The following GLMN variants were observed in gnomAD, a reference collection of about 807,000 sequenced individuals.
The protein encoded by GLMN is glomulin.
A neutral mutation model predicts 87.8 loss-of-function variants in GLMN; 75 were observed. The ratio of observed to expected loss-of-function variants is 0.85; its 90% CI spans 0.71 to 1.04. The LOEUF is 1.04. Ranked by LOEUF, GLMN falls within the 50% of genes least tolerant of loss-of-function variation. The pLI is 0.00. For synonymous variants in GLMN, 206 were observed against 221.6 expected, an observed-to-expected ratio of 0.93 and a Z score of 0.63; for missense variants, 588 against 658.8, an observed-to-expected ratio of 0.89 and a Z score of 1.18.
intron 16 of GLMN, among the ~76,000 whole-genome samples, chr1:92,258,111 A>G (rs1342313963): frequency 6.6e-6 from 1 of 152,216 alleles, no homozygotes; most frequent in African/African-American, 2.4e-5. Context: ...ATGAACAGAC[A>G]CTTCTCAAAA....
chr1:92,363,811 T>C, the GLMN span: 1 of 272,224 alleles, frequency 3.7e-6, no homozygotes, highest in Non-Finnish European at 7.3e-6. Context: ...CTTAACATTT[T>C]TTTTCCTCTA....
chr1:92,300,477 A>T (rs1459036497), upstream of GLMN, among the ~76,000 whole-genome samples: 1 of 152,182 alleles, frequency 6.6e-6, no homozygotes, highest in Non-Finnish European at 1.5e-5. Context: ...GTGTCTGTAG[A>T]AGGTGTTTGT....
At chr1:92,257,980 T>G (rs1253352188) in intron 16 of GLMN, among the ~76,000 whole-genome samples, 1 of 151,952 alleles carries the variant, frequency 6.6e-6, no homozygotes, top group African/African-American at 2.4e-5. Flanking sequence ...ACAGGCAACC[T>G]ACAGAATGGG....
the GLMN span, among the ~76,000 whole-genome samples, chr1:92,333,933 G>A: frequency 2.0e-5 from 3 of 152,156 alleles, no homozygotes; most frequent in Non-Finnish European, 2.9e-5. Context: ...TCAACTCAAC[G>A]TTGCACTTTA....
At chr1:92,302,356 A>G (rs1005073809), upstream of GLMN, among the ~76,000 whole-genome samples, 1 of 151,606 alleles carries the variant, frequency 6.6e-6, no homozygotes, top group Non-Finnish European at 1.5e-5. Flanking sequence ...AAAAGCAAAT[A>G]TATTTTACCC....
intron 7 of GLMN, among the ~76,000 whole-genome samples, chr1:92,282,875 A>G (rs1257681171): frequency 6.6e-6 from 1 of 152,250 alleles, no homozygotes; most frequent in African/African-American, 2.4e-5. Context: ...TAGAAAATCT[A>G]GAAGAAATGG....
At chr1:92,359,231 G>A in the GLMN span, among the ~76,000 whole-genome samples, 1 of 152,210 alleles carries the variant, frequency 6.6e-6, no homozygotes, top group Admixed American at 6.5e-5. Flanking sequence ...AAGATATTAA[G>A]ACAGGTGGCT....
the GLMN span, among the ~76,000 whole-genome samples, chr1:92,304,933 T>C: frequency 6.6e-6 from 1 of 150,612 alleles, no homozygotes; most frequent in Non-Finnish European, 1.5e-5. Flanking sequence ...CTCAAGGAGT[T>C]GGAGGCCAGC....
intron 8 of GLMN, 152 bp from the exon 9 acceptor site, chr1:92,269,928 G>A: frequency 1.6e-6 from 1 of 628,132 alleles, no homozygotes; most frequent in East Asian, 2.9e-5. Flanking sequence ...CTTATTTGGA[G>A]ATAGGGTTAT....
At chr1:92,355,402 A>T in the GLMN span, among the ~76,000 whole-genome samples, 1 of 152,198 alleles carries the variant, frequency 6.6e-6, no homozygotes, top group Non-Finnish European at 1.5e-5. Context: ...TATGAGGTGT[A>T]AAAAGTAAGA....
At chr1:92,329,176 G>C in the GLMN span, among the ~76,000 whole-genome samples, 1 of 152,208 alleles carries the variant, frequency 6.6e-6, no homozygotes, top group Non-Finnish European at 1.5e-5. Context: ...GAGGATACAA[G>C]CTTGCTCTGG....
chr1:92,247,127 C>A lies in GLMN; in HGVS notation c.1603G>T (p.Asp535Tyr). Residue 535 changes from aspartate (D) to tyrosine (Y), a missense_variant, in exon 18 of 19, where the codon GAT (aspartate) becomes TAT (tyrosine). Physicochemically the swap from Asp to Tyr is radical, Grantham distance 160 (BLOSUM62 -3). Transcript: ENST00000370360. Reference sequence around the variant, plus strand: ...CCACTTACAGTTATAGAACAAAGATCTTTAGATTTCTGGGCCTCTGTAAGA... The same window carrying A: ...CCACTTACAGTTATAGAACAAAGATATTTAGATTTCTGGGCCTCTGTAAGA... The part of the protein sequence containing the change: ...KNSQEAQKSK[D>Y]LCSITVSGEE... 6.4e-7 allele frequency: 1 copy of A among 1,550,940 alleles called. No homozygotes were observed. Among genetic ancestry groups the A allele is most frequent in the Non-Finnish European group, 8.9e-7 (1 of 1,123,754 alleles).
At chr1:92,292,897 G>A (rs941313972) in intron 3 of GLMN, among the ~76,000 whole-genome samples, 4 of 151,656 alleles carry the variant, frequency 2.6e-5, no homozygotes, top group Admixed American at 2.0e-4. Flanking sequence ...GGTGGCACAC[G>A]CTTGTAGCCC....
At chr1:92,273,805 C>T (rs947933796) in intron 7 of GLMN, among the ~76,000 whole-genome samples, 1 of 152,014 alleles carries the variant, frequency 6.6e-6, no homozygotes, top group Non-Finnish European at 1.5e-5. Context: ...TTCTACAGTG[C>T]TGCTCTGGAT....
chr1:92,317,406 G>T, the GLMN span, among the ~76,000 whole-genome samples: 1 of 152,060 alleles, frequency 6.6e-6, no homozygotes, highest in Admixed American at 6.5e-5. Context: ...TACTCAGGAG[G>T]CTGAGGCAGG....
chr1:92,306,598 A>C, the GLMN span, among the ~76,000 whole-genome samples: 1 of 152,156 alleles, frequency 6.6e-6, no homozygotes, highest in Non-Finnish European at 1.5e-5. Context: ...ACGGTGGCTC[A>C]CACCTATAAT....
the GLMN span, among the ~76,000 whole-genome samples, chr1:92,333,998 A>C: frequency 6.6e-6 from 1 of 152,226 alleles, no homozygotes; most frequent in East Asian, 1.9e-4. Context: ...CCAGTCATAA[A>C]TGACATTTAA....
At chr1:92,293,480 TA>T (rs1649664808) in intron 3 of GLMN, among the ~76,000 whole-genome samples, 1 of 152,076 alleles carries the variant, frequency 6.6e-6, no homozygotes, top group Non-Finnish European at 1.5e-5. Flanking sequence ...TAATTTTTTG[TA>T]TTTTTTTTTT....
At chr1:92,308,761 A>G in the GLMN span, among the ~76,000 whole-genome samples, 1 of 152,148 alleles carries the variant, frequency 6.6e-6, no homozygotes, top group African/African-American at 2.4e-5. Flanking sequence ...GGAATTTGAG[A>G]CCAGCTTAGC....
Sources: gnomAD v4.1 joint callset for allele counts (sites outside exome capture counted in the v4.1 genomes callset) on GRCh38, gnomAD v4.1.1 for gene constraint, MANE v1.5 for transcripts, NCBI Gene and HGNC (gene_info 2026-07-23, HGNC 2026-07-21) for gene names.